The following ATRNL1 variants were observed in gnomAD, a reference collection of about 807,000 sequenced individuals.
The protein encoded by ATRNL1 is attractin-like protein 1.
A neutral mutation model predicts 182.7 loss-of-function variants in ATRNL1; 95 were observed. The observed-to-expected ratio is 0.52, with a 90% CI of 0.44 to 0.62. ATRNL1 has a LOEUF of 0.62. Among genes scored for constraint, ATRNL1 ranks in the 20% least tolerant of loss-of-function variants. The probability of loss-of-function intolerance (pLI) is 0.00; values close to 1 mark genes in which losing one functional copy is unlikely to be tolerated. For missense variants in ATRNL1, 1,471 were observed against 1,679.5 expected (o/e 0.88, Z 2.17); for synonymous variants, 576 against 568.3 (o/e 1.01, Z -0.19).
chr10:115,830,512 A>T (rs1565417579), intron 27 of ATRNL1, among the ~76,000 whole-genome samples: 1 of 152,054 alleles, frequency 6.6e-6, no homozygotes, highest in Non-Finnish European at 1.5e-5. Context: ...TAGCCTGACC[A>T]TCTGCTTGGC....
At chr10:115,569,709 A>G (rs1555002904) in intron 26 of ATRNL1, among the ~76,000 whole-genome samples, 1 of 151,818 alleles carries the variant, frequency 6.6e-6, no homozygotes, top group Non-Finnish European at 1.5e-5. Context: ...CTTGAGTAGG[A>G]TAACTGTTTG....
At position 115,514,415 on chromosome 10, in the gene ATRNL1, C is replaced by G. The variant is rs146804714; in HGVS notation, c.3655-4848C>G. Among the ~76,000 whole-genome samples the G allele has an allele frequency of 1.5e-4, 23 of 151,864 alleles. No individual in the cohort carries two copies. In the East Asian group the frequency reaches 1.5e-3, roughly 10 times the overall value. On this transcript the variant is annotated intron_variant, in intron 24 of 28. Coordinates refer to ENST00000355044, the MANE Select transcript of ATRNL1 (RefSeq NM_207303.4). ...TTGGTTCTTTACTTCCTGACTTTTA[C>G]TTGAAGAAGTAGTCAGTTTCCTCTG...
At chr10:115,565,438 T>G (rs1854018398) in intron 26 of ATRNL1, among the ~76,000 whole-genome samples, 1 of 152,058 alleles carries the variant, frequency 6.6e-6, no homozygotes, top group Non-Finnish European at 1.5e-5. Context: ...TTTATGTTGG[T>G]GTAGAAAGAC....
At chr10:115,942,786 G>T (rs1953768151) in intron 28 of ATRNL1, among the ~76,000 whole-genome samples, 1 of 152,172 alleles carries the variant, frequency 6.6e-6, no homozygotes, top group African/African-American at 2.4e-5. Flanking sequence ...TCTTAAGCAA[G>T]GCCAATCTGG....
intron 26 of ATRNL1, among the ~76,000 whole-genome samples, chr10:115,704,436 C>T (rs191481629): frequency 3.5e-4 from 53 of 152,014 alleles, no homozygotes; most frequent in African/African-American, 1.1e-3. Flanking sequence ...TAAGGCCCCA[C>T]TCTGACATAC....
chr10:115,270,213 T>TAC (rs1460786477), intron 13 of ATRNL1, among the ~76,000 whole-genome samples: 3 of 146,674 alleles, frequency 2.0e-5, no homozygotes, highest in Non-Finnish European at 4.5e-5. Context: ...TATATATATA[T>TAC]ACACACATAC....
chr10:115,781,977 T>A (rs1949277178), intron 27 of ATRNL1, among the ~76,000 whole-genome samples: 1 of 152,204 alleles, frequency 6.6e-6, no homozygotes, highest in South Asian at 2.1e-4. Flanking sequence ...ATAATTCCTG[T>A]CGCTCCATGG....
intron 22 of ATRNL1, 91 bp downstream of exon 22, chr10:115,462,126 C>A: frequency 2.4e-6 from 2 of 837,870 alleles, no homozygotes; most frequent in Non-Finnish European, 3.7e-6. Context: ...TCAGAATTAT[C>A]ACATTGTAGG....
At chr10:115,136,594 A>G (rs1408939183) in intron 5 of ATRNL1, among the ~76,000 whole-genome samples, 1 of 152,176 alleles carries the variant, frequency 6.6e-6, no homozygotes, top group Non-Finnish European at 1.5e-5. Context: ...TGCTCTGCCT[A>G]TTCATTCTTT....
chr10:115,351,863 T>G (rs1319504745), intron 19 of ATRNL1, among the ~76,000 whole-genome samples: 1 of 152,158 alleles, frequency 6.6e-6, no homozygotes, highest in African/African-American at 2.4e-5. Context: ...CTCTCATCCT[T>G]GACTTTGTAG....
chr10:115,579,309 T>C (rs1489813631), intron 26 of ATRNL1, among the ~76,000 whole-genome samples: 1 of 151,774 alleles, frequency 6.6e-6, no homozygotes, highest in African/African-American at 2.4e-5. Context: ...TCTATCATTA[T>C]TGCTGTCTAT....
intron 5 of ATRNL1, among the ~76,000 whole-genome samples, chr10:115,132,993 T>C (rs1845326295): frequency 6.6e-6 from 1 of 152,236 alleles, no homozygotes; most frequent in South Asian, 2.1e-4. Context: ...GTTTTAGACA[T>C]GAAGTCCTTG....
intron 27 of ATRNL1, among the ~76,000 whole-genome samples, chr10:115,731,793 C>A (rs1301907111): frequency 6.6e-6 from 1 of 151,778 alleles, no homozygotes; most frequent in Non-Finnish European, 1.5e-5. Flanking sequence ...CTCCCTACCC[C>A]ACATTTTTCT....
chr10:115,394,877 T>A (rs1423622743), intron 20 of ATRNL1, 125 bp downstream of exon 20: 38 of 726,616 alleles, frequency 5.2e-5, no homozygotes, highest in Non-Finnish European at 2.4e-5. Context: ...ATTTTTAACT[T>A]TTATTTTAGA....
At chr10:115,708,095 C>T (rs990591710) in intron 26 of ATRNL1, among the ~76,000 whole-genome samples, 3 of 151,318 alleles carry the variant, frequency 2.0e-5, no homozygotes, top group Non-Finnish European at 4.4e-5. Context: ...TAATCATTAT[C>T]CAGCTTACTG....
intron 26 of ATRNL1, among the ~76,000 whole-genome samples, chr10:115,646,630 C>CT (rs57206126): frequency 1.6e-3 from 234 of 143,874 alleles, no homozygotes; most frequent in South Asian, 3.1e-3. Context: ...TTCTTTTTTT[C>CT]TTTTTTTTTT....
At chr10:115,496,698 T>G (rs562592116) in intron 24 of ATRNL1, among the ~76,000 whole-genome samples, 6 of 152,358 alleles carry the variant, frequency 3.9e-5, no homozygotes, top group Admixed American at 1.3e-4. Context: ...GTTTTTATTC[T>G]TTAAAATTGC....
chr10:115,770,661 C>T (rs1298700371), intron 27 of ATRNL1, among the ~76,000 whole-genome samples: 2 of 152,098 alleles, frequency 1.3e-5, no homozygotes, highest in African/African-American at 4.8e-5. Context: ...TATAAATACA[C>T]TGTAATCCAC....
intron 28 of ATRNL1, among the ~76,000 whole-genome samples, chr10:115,851,358 AT>A (rs57234888): frequency 0.77 from 116,468 of 150,748 alleles, 44,915 homozygotes; most frequent in Admixed American, 0.83. Context: ...GCAGCTAGTG[AT>A]TTTTTTTTTT....
Sources: allele counts gnomAD v4.1 joint callset (sites outside exome capture counted in the v4.1 genomes callset), GRCh38; gene constraint gnomAD v4.1.1; transcripts MANE v1.5; gene names NCBI Gene and HGNC (gene_info 2026-07-23, HGNC 2026-07-21).